FMNL2: variants seen among roughly 807,000 people sequenced by gnomAD.
FMNL2 encodes the protein formin like 2.
Under a neutral mutation model 130.2 loss-of-function variants are expected in FMNL2, and 51 were observed. The observed-to-expected ratio is 0.39, with a 90% CI of 0.31 to 0.49. The LOEUF is 0.49. Among genes scored for constraint, FMNL2 ranks in the 20% least tolerant of loss-of-function variants. The pLI is 0.85. For synonymous variants in FMNL2, 465 were observed against 467.1 expected (o/e 1.00, Z 0.06); for missense variants, 977 against 1,316.2 (o/e 0.74, Z 3.99).
chr2:152,481,619 C>CACAGCT (rs1187992564), intron 1 of FMNL2, among the ~76,000 whole-genome samples: 16 of 152,210 alleles, frequency 1.1e-4, no homozygotes, highest in East Asian at 7.7e-4. Context: ...AATTGACAGC[C>CACAGCT]ACAGCTACAG....
At chr2:152,565,972 G>T (rs1041994618) in intron 6 of FMNL2, among the ~76,000 whole-genome samples, 14 of 152,100 alleles carry the variant, frequency 9.2e-5, no homozygotes, top group African/African-American at 3.1e-4. Flanking sequence ...GTAGAGAGAC[G>T]GTCTCACTAT....
At chr2:152,481,588 G>C (rs986864974) in intron 1 of FMNL2, among the ~76,000 whole-genome samples, 1 of 152,202 alleles carries the variant, frequency 6.6e-6, no homozygotes, top group African/African-American at 2.4e-5. Flanking sequence ...AGCCTCCCAG[G>C]TGAGTCTAAC....
At chr2:152,345,794 G>C (rs1682087620) in intron 1 of FMNL2, among the ~76,000 whole-genome samples, 1 of 152,146 alleles carries the variant, frequency 6.6e-6, no homozygotes, top group South Asian at 2.1e-4. Context: ...ATGCGAACCT[G>C]GAGAAGCCAT....
intron 1 of FMNL2, among the ~76,000 whole-genome samples, chr2:152,426,633 G>A (rs1687217132): frequency 6.6e-6 from 1 of 151,648 alleles, no homozygotes; most frequent in Admixed American, 6.6e-5. Context: ...AGATACTGAT[G>A]TTTTTTCAAA....
intron 13 of FMNL2, among the ~76,000 whole-genome samples, chr2:152,618,138 G>GC (rs879341499): frequency 4.2e-4 from 64 of 151,584 alleles, no homozygotes; most frequent in African/African-American, 1.0e-3. Context: ...ACCTCTATGG[G>GC]CCCCCCCCTT....
intron 1 of FMNL2, among the ~76,000 whole-genome samples, chr2:152,514,370 C>T (rs1692648308): frequency 6.6e-6 from 1 of 152,172 alleles, no homozygotes; most frequent in Admixed American, 6.5e-5. Flanking sequence ...GCTACCCACT[C>T]CTTACCTCCT....
rs576647535 is a variant in FMNL2 at position 152,632,031 on chromosome 2, C to T, written c.2574C>T (p.Asp858=). The stretch of plus-strand genomic sequence containing the variant: ...AGCTCTTAGATACAAAGTCAACAGA[C>T]AGAAAGCAAACACTGTTGCACTATA... ...LDLLLDTKST[D]RKQTLLHYIS... Residue 858 remains aspartate, a synonymous_variant, in exon 21 of 26, where the codon GAC becomes GAT. Transcript: ENST00000288670. 1.2e-6 allele frequency: 2 copies of T among 1,611,968 alleles called. No individual in the cohort carries two copies. Among genetic ancestry groups the T allele is most frequent in the East Asian group, 2.2e-5 (1 of 44,778 alleles).
chr2:152,381,202 G>A (rs777836693), intron 1 of FMNL2, among the ~76,000 whole-genome samples: 3 of 152,216 alleles, frequency 2.0e-5, no homozygotes, highest in Non-Finnish European at 4.4e-5. Flanking sequence ...TTAAGCATGT[G>A]AGACTGGTAT....
intron 1 of FMNL2, among the ~76,000 whole-genome samples, chr2:152,342,285 T>C (rs577792695): frequency 3.3e-5 from 5 of 152,324 alleles, no homozygotes; most frequent in African/African-American, 4.8e-5. Flanking sequence ...CAAGAAGCAC[T>C]GATTATAGAT....
At chr2:152,532,434 G>T (rs2346182) in intron 2 of FMNL2, among the ~76,000 whole-genome samples, 84,587 of 151,848 alleles carry the variant, frequency 0.56, 24,252 homozygotes, top group Non-Finnish European at 0.63. Context: ...TTGTCAGTCC[G>T]TTAAAATTCT....
intron 1 of FMNL2, 113 bp downstream of exon 1, chr2:152,335,833 G>A: frequency 4.4e-6 from 3 of 687,736 alleles, no homozygotes; most frequent in South Asian, 4.6e-5. Flanking sequence ...CCATTCCCGA[G>A]GGGGAGGCTC....
chr2:152,401,561 A>G (rs905069431), intron 1 of FMNL2, among the ~76,000 whole-genome samples: 1 of 152,218 alleles, frequency 6.6e-6, no homozygotes, highest in African/African-American at 2.4e-5. Flanking sequence ...TCTGTGCAAA[A>G]TATCAAAGAA....
chr2:152,343,685 C>A (rs1409219207), intron 1 of FMNL2, among the ~76,000 whole-genome samples: 1 of 152,202 alleles, frequency 6.6e-6, no homozygotes, highest in African/African-American at 2.4e-5. Flanking sequence ...TCACTAGTCT[C>A]AAGACCTGTC....
chr2:152,509,730 T>A (rs1364490501), intron 1 of FMNL2, among the ~76,000 whole-genome samples: 1 of 126,202 alleles, frequency 7.9e-6, no homozygotes, highest in Non-Finnish European at 1.7e-5. Flanking sequence ...ATATCTGTAC[T>A]CTGGACCTTT....
At chr2:152,571,280 C>T (rs1300963390) in intron 6 of FMNL2, among the ~76,000 whole-genome samples, 1 of 152,146 alleles carries the variant, frequency 6.6e-6, no homozygotes, top group Non-Finnish European at 1.5e-5. Context: ...TTTCAAATTT[C>T]AGTTTAGGGA....
At chr2:152,389,977 G>C in intron 1 of FMNL2, 2 of 1,415,386 alleles carry the variant, frequency 1.4e-6, no homozygotes, top group Non-Finnish European at 2.0e-6. Context: ...GATAAAGGCA[G>C]ACAGGCAGAG....
chr2:152,440,389 C>T (rs1158413688), intron 1 of FMNL2, among the ~76,000 whole-genome samples: 1 of 152,210 alleles, frequency 6.6e-6, no homozygotes, highest in Non-Finnish European at 1.5e-5. Flanking sequence ...ACCAAAATCT[C>T]ACAGTTGTCA....
intron 1 of FMNL2, among the ~76,000 whole-genome samples, chr2:152,510,604 T>C (rs1692447296): frequency 6.6e-6 from 1 of 152,226 alleles, no homozygotes; most frequent in Admixed American, 6.5e-5. Context: ...ACCAGCAACG[T>C]TAAAGTATTA....
intron 12 of FMNL2, among the ~76,000 whole-genome samples, chr2:152,616,097 C>G (rs1397247423): frequency 6.6e-6 from 1 of 152,102 alleles, no homozygotes; most frequent in East Asian, 1.9e-4. Context: ...TACCTTGCCT[C>G]CCTGGTTTTC....
Sources: allele counts gnomAD v4.1 joint callset (sites outside exome capture counted in the v4.1 genomes callset), GRCh38; gene constraint gnomAD v4.1.1; transcripts MANE v1.5; gene names NCBI Gene and HGNC (gene_info 2026-07-23, HGNC 2026-07-21).